LRRN4: variants seen among roughly 807,000 people sequenced by gnomAD.
LRRN4 encodes the protein leucine-rich repeat neuronal protein 4.
A neutral mutation model predicts 22.3 loss-of-function variants in LRRN4; 26 were observed. That is an observed-to-expected ratio of 1.16 (90% CI 0.85 to 1.62). LRRN4 has a LOEUF of 1.62. LRRN4 is among the 40% of genes most tolerant of loss of function. The pLI, the probability that LRRN4 is intolerant of heterozygous loss-of-function variation, is 0.00. For synonymous variants in LRRN4, 496 were observed against 486.2 expected (o/e 1.02, Z -0.26); for missense variants, 1,070 against 1,008.5 (o/e 1.06, Z -0.83).
At chr20:6,049,964 T>A (rs945815904) in intron 3 of LRRN4, among the ~76,000 whole-genome samples, 1 of 151,714 alleles carries the variant, frequency 6.6e-6, no homozygotes. Flanking sequence ...ACCACCATCA[T>A]CTTCACTAAT....
chr20:6,045,982 C>T (rs918202300), intron 3 of LRRN4, among the ~76,000 whole-genome samples: 1 of 149,148 alleles, frequency 6.7e-6, no homozygotes, highest in Non-Finnish European at 1.5e-5. Context: ...ATCACAAGGC[C>T]AAGCCCAGCT....
Position 6,052,794 on chromosome 20 carries a change from C to A in LRRN4, c.6G>T (p.Arg2=). The part of the protein sequence containing the change: M[R]QTLPLLLLTV... ...TCAGCAGCAGCAGCGGTAGGGTTTG[C>A]CGCATGGCGTCTGGGGAGAGAACAG... The change falls in exon 2 of 5, where the codon CGG becomes CGT. Residue 2 remains arginine, a synonymous_variant. Coordinates refer to ENST00000378858, the MANE Select transcript of LRRN4 (RefSeq NM_152611.5). 6.4e-7 allele frequency: 1 copy of A among 1,566,586 alleles called. No homozygotes were observed. The highest frequency in any genetic ancestry group is 8.6e-7 in the Non-Finnish European group (1 of 1,163,686).
intron 3 of LRRN4, among the ~76,000 whole-genome samples, chr20:6,049,806 C>G (rs1981202165): frequency 6.6e-6 from 1 of 151,530 alleles, no homozygotes; most frequent in South Asian, 2.3e-4. Flanking sequence ...CCTGGCCTCA[C>G]CACCACTATT....
Position 6,041,987 on chromosome 20 carries a change from A to T in LRRN4, c.1258T>A (p.Trp420Arg), listed in dbSNP as rs199648294. ...PNVGSRTIAA[W>R]PHSDAREGTA... ...CCCTCCCGTGCATCGCTGTGCGGCC[A>T]TGCAGCTATCGTGCGAGAGCCCACG... Residue 420 changes from tryptophan to arginine, a missense_variant, in exon 5 of 5, where the codon TGG (tryptophan) becomes AGG (arginine). Transcript: ENST00000378858. This position sits in a 1 kb window ranked among gnomAD's most constrained non-coding sequence, Gnocchi z 9.4. The T allele has an allele frequency of 6.2e-7, 1 of 1,613,880 alleles. No individual in the cohort carries two copies. The highest frequency in any genetic ancestry group is 8.5e-7 in the Non-Finnish European group (1 of 1,179,994).
At position 6,042,245 on chromosome 20, in the gene LRRN4, C is replaced by T; in HGVS notation, c.1000G>A (p.Ala334Thr). 6.2e-7 allele frequency: 1 copy of T among 1,604,800 alleles called. No homozygotes were observed. The highest frequency in any genetic ancestry group is 8.5e-7 in the Non-Finnish European group (1 of 1,175,324). ...TDAKRTVLSR[A>T]ADTMCAPAAG... ...GCTGGCGCGCACATAGTGTCTGCTG[C>T]CCTGGAGGGGAGGCCAACCAGTTAG... Residue 334 changes from alanine to threonine, a missense_variant and splice_region_variant, in exon 5 of 5, where the codon GCA becomes ACA. By Grantham distance (58) the Ala-to-Thr change is moderately conservative. Coordinates refer to ENST00000378858, the MANE Select transcript of LRRN4 (RefSeq NM_152611.5).
In LRRN4 at chr20:6,041,524, C is replaced by G. The variant is rs149056393; in HGVS notation, c.1721G>C (p.Ser574Thr). The part of the protein sequence containing the change: ...RRWRCRCPGL[S>T]GEDTIPDPPR... ...CGGGTCTGGGATGGTGTCTTCCCCG[C>G]TGAGGCCGGGGCACCGGCACCGCCA... Residue 574 changes from serine (S) to threonine (T), a missense_variant, in exon 5 of 5, where the codon AGC becomes ACC. Transcript: ENST00000378858. This position sits in a 1 kb window ranked among gnomAD's most constrained non-coding sequence, Gnocchi z 9.4. 1.0e-5 allele frequency: 16 copies of G among 1,555,296 alleles called. No homozygotes were observed. The highest frequency in any genetic ancestry group is 1.4e-5 in the African/African-American group (1 of 73,504).
chr20:6,045,153 T>C (rs1981073672), intron 3 of LRRN4, among the ~76,000 whole-genome samples: 1 of 148,808 alleles, frequency 6.7e-6, no homozygotes, highest in Non-Finnish European at 1.5e-5. Flanking sequence ...AAAGAATGTG[T>C]GTTGGCTGGG....
At chr20:6,048,957 G>A (rs1981177150) in intron 3 of LRRN4, among the ~76,000 whole-genome samples, 2 of 152,194 alleles carry the variant, frequency 1.3e-5, no homozygotes, top group South Asian at 4.1e-4. Context: ...AAGCACCAGG[G>A]AAACATCTGG....
Position 6,040,726 on chromosome 20 carries a change from C to A in LRRN4, c.*296G>T. ...TACACTATTCTACTGGATAGAGAGGCACTGACTGCTGAAAACCGCAAATGA... is the reference window on the plus strand; with the variant it reads ...TACACTATTCTACTGGATAGAGAGGAACTGACTGCTGAAAACCGCAAATGA... On this transcript the variant is annotated 3_prime_UTR_variant, in exon 5 of 5. Coordinates refer to ENST00000378858, the MANE Select transcript of LRRN4 (RefSeq NM_152611.5). 1 of 446,340 alleles carries A rather than the reference C, an allele frequency of 2.2e-6. No homozygotes were observed. The highest frequency in any genetic ancestry group is 4.6e-5 in the East Asian group (1 of 21,682). The allele number at this position is 446,340 out of a possible 1,614,324, so 27.6% of individuals were successfully genotyped here. A position where few individuals can be genotyped will look rare whatever the true frequency, so the allele number is the denominator to read the frequency against.
In LRRN4 at chr20:6,052,821, A is replaced by G. The variant is rs776411761; in HGVS notation, c.-5-17T>C. 5 of 1,541,716 alleles carry G rather than the reference A, an allele frequency of 3.2e-6. No individual in the cohort carries two copies. Among genetic ancestry groups the G allele is most frequent in the Non-Finnish European group, 4.3e-6 (5 of 1,149,640 alleles). On this transcript the variant is annotated splice_polypyrimidine_tract_variant and intron_variant, in intron 1 of 4. Transcript: ENST00000378858. Reference sequence around the variant, plus strand: ...GCATGGCGTCTGGGGAGAGAACAGCAGGACGCCCATCAAATCCACAGGAAC... The same window carrying G: ...GCATGGCGTCTGGGGAGAGAACAGCGGGACGCCCATCAAATCCACAGGAAC...
In LRRN4 at chr20:6,052,768, G is replaced by C. The variant is rs748884771; in HGVS notation, c.32C>G (p.Thr11Arg). The part of the protein sequence containing the change: MRQTLPLLLL[T>R]VLRPSWADPP... ...GTCTGCCCAGCTGGGGCGCAGCACC[G>C]TCAGCAGCAGCAGCGGTAGGGTTTG... The change falls in exon 2 of 5, where the codon ACG becomes AGG. Residue 11 changes from threonine to arginine, a missense_variant. By Grantham distance (71) the Thr-to-Arg change is moderately conservative. Coordinates refer to ENST00000378858, the MANE Select transcript of LRRN4 (RefSeq NM_152611.5). 1.3e-6 allele frequency: 2 copies of C among 1,575,136 alleles called. No individual in the cohort carries two copies. Among genetic ancestry groups the C allele is most frequent in the East Asian group, 4.6e-5 (2 of 43,728 alleles).
intron 3 of LRRN4, among the ~76,000 whole-genome samples, chr20:6,047,425 T>TACACACTCACACACACACAC (rs1160176493): frequency 7.8e-6 from 1 of 128,378 alleles, no homozygotes; most frequent in African/African-American, 2.6e-5. Context: ...CAGACACACA[T>TACACACTCACACACACACAC]ACACACACAC....
intron 4 of LRRN4, among the ~76,000 whole-genome samples, chr20:6,044,338 C>A (rs1981050271): frequency 6.6e-6 from 1 of 152,234 alleles, no homozygotes. Context: ...GTCTGCTCCT[C>A]CATGCTCTTT....
intron 3 of LRRN4, among the ~76,000 whole-genome samples, chr20:6,049,024 CG>C (rs759063810): frequency 3.9e-5 from 6 of 152,328 alleles, no homozygotes; most frequent in Non-Finnish European, 5.9e-5. Context: ...GCTCCACAGA[CG>C]TAAGTGTCCA....
intron 3 of LRRN4, among the ~76,000 whole-genome samples, chr20:6,049,650 G>C (rs754605840): frequency 6.6e-6 from 1 of 152,086 alleles, no homozygotes; most frequent in African/African-American, 2.4e-5. Flanking sequence ...ACAGACACAT[G>C]CCACCATGCC....
At chr20:6,044,708 AGTCAG>A in intron 3 of LRRN4, 28 bp from the exon 4 acceptor site, 1 of 1,483,284 alleles carries the variant, frequency 6.7e-7, no homozygotes, top group Non-Finnish European at 9.0e-7. Flanking sequence ...AAATTAATTA[AGTCAG>A]GTTTTTACAA....
Position 6,041,165 on chromosome 20 carries a change from A to G in LRRN4, c.2080T>C (p.Leu694=), listed in dbSNP as rs766834346. ...LSGLCAASGL[L]LASTVVLSAC... ...GACAGCACCACGGTGCTGGCGAGCA[A>G]CAGGCCGCTGGCGGCGCACAGCCCA... Residue 694 remains leucine, a synonymous_variant, in exon 5 of 5, where the codon TTG becomes CTG. Transcript: ENST00000378858. This position sits in a 1 kb window ranked among gnomAD's most constrained non-coding sequence, Gnocchi z 9.4. 6.2e-7 allele frequency: 1 copy of G among 1,602,402 alleles called. No individual in the cohort carries two copies. The highest frequency in any genetic ancestry group is 2.3e-5 in the East Asian group (1 of 44,330).
At position 6,041,533 on chromosome 20, in the gene LRRN4, G is replaced by GGGCACC. The variant is rs778687095; in HGVS notation, c.1706_1711dup (p.Arg569_Cys570dup). The GGGCACC allele has an allele frequency of 8.1e-5, 126 of 1,552,356 alleles. No individual in the cohort carries two copies. The highest frequency in any genetic ancestry group is 2.4e-4 in the South Asian group (19 of 80,840). ...GATGGTGTCTTCCCCGCTGAGGCCG[G>GGGCACC]GGCACCGGCACCGCCACCGCCTCTG... is the stretch of plus-strand genomic sequence containing the variant. On this transcript the variant is annotated inframe_insertion, in exon 5 of 5. Coordinates refer to ENST00000378858, the MANE Select transcript of LRRN4 (RefSeq NM_152611.5). This position sits in a 1 kb window ranked among gnomAD's most constrained non-coding sequence, Gnocchi z 9.4.
Position 6,041,679 on chromosome 20 carries a change from C to G in LRRN4, c.1566G>C (p.Leu522Phe), listed in dbSNP as rs1213853458. The G allele has an allele frequency of 3.7e-6, 6 of 1,612,708 alleles. No homozygotes were observed. The highest frequency in any genetic ancestry group is 5.1e-6 in the Non-Finnish European group (6 of 1,179,136). ...CCTCCTCACTGTAGTCGTCCAGCAG[C>G]AAGACTGGAATCTCGCCCTCGGAAA... Reference protein sequence around the residue: ...PSLSEGEIPVLLLDDYSEEEE... With the variant: ...PSLSEGEIPVFLLDDYSEEEE... The change falls in exon 5 of 5, where the codon TTG (leucine) becomes TTC (phenylalanine). Residue 522 changes from leucine to phenylalanine, a missense_variant. Physicochemically the swap from Leu to Phe is conservative, Grantham distance 22 (BLOSUM62 0). Transcript: ENST00000378858. This position sits in a 1 kb window ranked among gnomAD's most constrained non-coding sequence, Gnocchi z 9.4.
Sources: allele counts gnomAD v4.1 joint callset (sites outside exome capture counted in the v4.1 genomes callset), GRCh38; gene constraint gnomAD v4.1.1; non-coding constraint Gnocchi (gnomAD v3.1); transcripts MANE v1.5; gene names NCBI Gene and HGNC (gene_info 2026-07-23, HGNC 2026-07-21).